Variants in CIB1 observed in about 807,000 individuals in gnomAD.
CIB1 encodes the protein calcium and integrin binding 1.
Under a neutral mutation model 25.0 loss-of-function variants are expected in CIB1, and 19 were observed. That is an observed-to-expected ratio of 0.76 (90% confidence interval 0.53 to 1.12). CIB1 has a LOEUF of 1.12. CIB1 is among the 50% of genes most tolerant of loss of function. The pLI, the probability that CIB1 is intolerant of heterozygous loss-of-function variation, is 0.00. For synonymous variants in CIB1, 104 were observed against 98.5 expected (o/e 1.06, Z -0.33); for missense variants, 236 against 242.6 (o/e 0.97, Z 0.18).
the CIB1 span, chr15:90,265,115 G>A: frequency 1.6e-6 from 2 of 1,256,530 alleles, no homozygotes; most frequent in East Asian, 2.6e-5. Context: ...AAAATACAAA[G>A]ACACCAAGAA....
At chr15:90,248,126 TA>T in the CIB1 span, among the ~76,000 whole-genome samples, 1 of 151,842 alleles carries the variant, frequency 6.6e-6, no homozygotes, top group African/African-American at 2.4e-5. Flanking sequence ...GGCATCCTCT[TA>T]ACTCCCATGC....
chr15:90,264,819 A>G, the CIB1 span: 4 of 1,536,026 alleles, frequency 2.6e-6, no homozygotes, highest in South Asian at 2.4e-5. Flanking sequence ...CTGCAACCGG[A>G]AAGAGTGGCA....
chr15:90,265,747 G>A, the CIB1 span: 1 of 1,613,204 alleles, frequency 6.2e-7, no homozygotes, highest in Non-Finnish European at 8.5e-7. Flanking sequence ...CTGGGCGGGC[G>A]CGTTTGCGCC....
the CIB1 span, chr15:90,253,303 G>A: frequency 6.2e-7 from 1 of 1,613,780 alleles, no homozygotes; most frequent in East Asian, 2.2e-5. Flanking sequence ...GATGAAGAGT[G>A]GACTCTGTAC....
chr15:90,240,694 C>A, the CIB1 span, among the ~76,000 whole-genome samples: 23 of 150,752 alleles, frequency 1.5e-4, no homozygotes, highest in African/African-American at 4.6e-4. Flanking sequence ...CTGCCTGTAA[C>A]CCCAGCTGCC....
intron 1 of CIB1, 48 bp downstream of exon 1, chr15:90,233,787 G>A (rs1369031103): frequency 2.6e-6 from 4 of 1,551,166 alleles, no homozygotes; most frequent in Non-Finnish European, 3.5e-6. Flanking sequence ...CCCTGCTCCC[G>A]AGAAGAGGCC....
chr15:90,241,236 C>T, the CIB1 span: 1 of 1,614,184 alleles, frequency 6.2e-7, no homozygotes, highest in Non-Finnish European at 8.5e-7. Flanking sequence ...GAGGCCCCCG[C>T]AGACCATCAA....
At position 90,230,108 on chromosome 15, in the gene CIB1, C is replaced by T. The variant is rs1962437838; in HGVS notation, c.*376G>A. On this transcript the variant is annotated 3_prime_UTR_variant, in exon 7 of 7. Coordinates refer to ENST00000328649, the MANE Select transcript of CIB1 (RefSeq NM_006384.4). ...CTGCCCCTTCATCCTCACACCCTCC[C>T]ACGGGGACAGCCAGCGTGGGTGCGG... is the stretch of plus-strand genomic sequence containing the variant. The T allele has an allele frequency of 3.4e-6, 1 of 294,320 alleles. No individual in the cohort carries two copies. The highest frequency in any genetic ancestry group is 6.5e-6 in the Non-Finnish European group (1 of 153,902). 18.2% of individuals were successfully genotyped at this position (294,320 alleles called of 1,614,324 possible).
chr15:90,253,268 G>T, the CIB1 span: 1 of 1,613,914 alleles, frequency 6.2e-7, no homozygotes, highest in Non-Finnish European at 8.5e-7. Flanking sequence ...CAGCCCAAAT[G>T]TGTGGCCTGA....
the CIB1 span, chr15:90,258,979 A>G: frequency 1.9e-6 from 3 of 1,612,994 alleles, no homozygotes; most frequent in Non-Finnish European, 2.5e-6. Context: ...CTGAGAGTAA[A>G]AGTCCTCCTT....
the CIB1 span, chr15:90,263,606 T>C: frequency 1.7e-6 from 1 of 579,278 alleles, no homozygotes; most frequent in South Asian, 2.3e-5. Context: ...CTTCTGTTTT[T>C]GTTGAACCCC....
upstream of CIB1, among the ~76,000 whole-genome samples, chr15:90,235,640 T>C (rs1962618830): frequency 6.6e-6 from 1 of 152,032 alleles, no homozygotes; most frequent in African/African-American, 2.4e-5. Flanking sequence ...TGATCTTGGC[T>C]CACTGCAAGC....
chr15:90,252,142 C>T, the CIB1 span, among the ~76,000 whole-genome samples: 1 of 151,832 alleles, frequency 6.6e-6, no homozygotes, highest in Admixed American at 6.6e-5. Flanking sequence ...CAGGTTCAAG[C>T]GATTCTCCTG....
chr15:90,230,387 G>C lies in CIB1; in HGVS notation c.*97C>G. Reference sequence around the variant, plus strand: ...ACAGCGCCAGCTCCAGGCTGGGCCAGCTTGGCCCGCACTGGCAACACAGGC... The same window carrying C: ...ACAGCGCCAGCTCCAGGCTGGGCCACCTTGGCCCGCACTGGCAACACAGGC... On this transcript the variant is annotated 3_prime_UTR_variant, in exon 7 of 7. Transcript: ENST00000328649. 3 of 1,453,684 alleles carry C rather than the reference G, an allele frequency of 2.1e-6. No homozygotes were observed. Among genetic ancestry groups the C allele is most frequent in the Non-Finnish European group, 1.9e-6 (2 of 1,060,940 alleles). The allele number at this position is 1,453,684 out of a possible 1,614,324, so 90.0% of individuals were successfully genotyped here.
At chr15:90,235,908 A>G (rs1027587143), upstream of CIB1, among the ~76,000 whole-genome samples, 2 of 151,436 alleles carry the variant, frequency 1.3e-5, no homozygotes, top group Non-Finnish European at 3.0e-5. Context: ...CTGTCCGAGA[A>G]AGAGTTAGTC....
intron 6 of CIB1, 59 bp from the exon 7 acceptor site, chr15:90,230,564 G>A (rs780392746): frequency 7.8e-6 from 12 of 1,531,740 alleles, no homozygotes; most frequent in South Asian, 1.2e-5. Context: ...GACTAAACCC[G>A]AACTTGCCCC....
chr15:90,263,923 CAT>C, the CIB1 span: 3 of 1,458,594 alleles, frequency 2.1e-6, no homozygotes, highest in East Asian at 2.5e-5. Context: ...TGCAATCCCA[CAT>C]GTTCCCCGGT....
chr15:90,235,182 C>G (rs555440383), upstream of CIB1, among the ~76,000 whole-genome samples: 20 of 152,142 alleles, frequency 1.3e-4, no homozygotes, highest in Non-Finnish European at 2.5e-4. Context: ...GCCTAGGAAT[C>G]TACTTTACAC....
chr15:90,263,108 C>G, the CIB1 span: 2 of 1,534,234 alleles, frequency 1.3e-6, no homozygotes, highest in Non-Finnish European at 1.7e-6. Context: ...CTGCAGCACC[C>G]TGGCCCCCAG....
Sources: allele counts gnomAD v4.1 joint callset (sites outside exome capture counted in the v4.1 genomes callset), GRCh38; gene constraint gnomAD v4.1.1; transcripts MANE v1.5; gene names NCBI Gene and HGNC (gene_info 2026-07-23, HGNC 2026-07-21).